Variants in MYO18A observed in about 807,000 individuals in gnomAD.
The protein encoded by MYO18A is unconventional myosin-XVIIIa.
Under a neutral mutation model 235.8 loss-of-function variants are expected in MYO18A, and 78 were observed. The ratio of observed to expected loss-of-function variants is 0.33; its 90% CI spans 0.28 to 0.40. The LOEUF (loss-of-function observed/expected upper bound fraction) is 0.40, where lower values mean the gene tolerates loss of function less well. MYO18A is among the 10% of genes least tolerant of loss of function. The pLI, the probability that MYO18A is intolerant of heterozygous loss-of-function variation, is 1.00. For synonymous variants in MYO18A, 977 were observed against 1,077.8 expected (o/e 0.91, Z 1.83); for missense variants, 2,215 against 2,699.3 (o/e 0.82, Z 3.98).
rs183642953 is a variant in MYO18A at position 29,171,697 on chromosome 17, C to G, written c.-81-4676G>C. On this transcript the variant is annotated intron_variant, in intron 1 of 41. Coordinates refer to ENST00000527372, the MANE Select transcript of MYO18A (RefSeq NM_078471.4). ...ATCGCTTGAGCTCAGGAGTCGGAGA[C>G]AAGCCTGGGCAACATGGCAAAGCCC... Among the ~76,000 whole-genome samples, 416 of 152,028 alleles carry G rather than the reference C, an allele frequency of 2.7e-3. 3 individuals carry two copies. Among genetic ancestry groups the G allele is most frequent in the African/African-American group, 9.6e-3 (400 of 41,458 alleles).
chr17:29,096,257 A>C (rs1179968640), intron 28 of MYO18A, among the ~76,000 whole-genome samples: 1 of 152,166 alleles, frequency 6.6e-6, no homozygotes, highest in African/African-American at 2.4e-5. Flanking sequence ...GCTAATGAAG[A>C]CGTCCCATCC....
chr17:29,130,431 A>AAAAT (rs2067438932), intron 2 of MYO18A, among the ~76,000 whole-genome samples: 1 of 151,310 alleles, frequency 6.6e-6, no homozygotes, highest in Non-Finnish European at 1.5e-5. Context: ...TTTTTGCAAA[A>AAAAT]AAAATAAAAT....
At chr17:29,076,266 ATCTGGGAC>A (rs1013352424) in intron 41 of MYO18A, 25 of 151,156 alleles carry the variant, frequency 1.7e-4, no homozygotes, top group Non-Finnish European at 3.1e-4. Context: ...GTAAACTTGA[ATCTGGGAC>A]TCTTAGACCT....
At chr17:29,145,776 T>C (rs776611525) in intron 2 of MYO18A, among the ~76,000 whole-genome samples, 1 of 152,156 alleles carries the variant, frequency 6.6e-6, no homozygotes, top group Non-Finnish European at 1.5e-5. Context: ...ACCCCAATAA[T>C]TAAAATTCAA....
At chr17:29,099,820 G>A in intron 21 of MYO18A, 58 bp from the exon 22 acceptor site, 1 of 1,582,822 alleles carries the variant, frequency 6.3e-7, no homozygotes, top group Non-Finnish European at 8.6e-7. Context: ...CAGAGGAAAG[G>A]CAGAGAAGGT....
At chr17:29,119,033 G>C (rs997902197) in intron 8 of MYO18A, among the ~76,000 whole-genome samples, 2 of 152,166 alleles carry the variant, frequency 1.3e-5, no homozygotes, top group African/African-American at 4.8e-5. Context: ...TCCAGAACTG[G>C]CTTCATGGGT....
At chr17:29,099,292 G>A (rs966062046) in intron 22 of MYO18A, among the ~76,000 whole-genome samples, 1 of 152,224 alleles carries the variant, frequency 6.6e-6, no homozygotes, top group African/African-American at 2.4e-5. Context: ...TAATCTTGCT[G>A]AAACACAAGA....
rs527886478 is a variant in MYO18A, at chr17:29,096,929, T to A, written c.4231-14A>T. The stretch of plus-strand genomic sequence containing the variant: ...CAGGTCCCCGAGCTAGGGGCCAAGA[T>A]GGGGTGCATATACAGAGAGACCCAG... On this transcript the variant is annotated splice_polypyrimidine_tract_variant and intron_variant, in intron 27 of 41. Transcript: ENST00000527372. 2 of 1,550,628 alleles carry A rather than the reference T, an allele frequency of 1.3e-6. No homozygotes were observed. Among genetic ancestry groups the A allele is most frequent in the Non-Finnish European group, 1.7e-6 (2 of 1,149,040 alleles).
intron 20 of MYO18A, 138 bp from the exon 21 acceptor site, chr17:29,103,802 T>C (rs1006292732): frequency 6.9e-5 from 51 of 743,664 alleles, no homozygotes; most frequent in Admixed American, 1.4e-4. Context: ...TTCCTCAGTG[T>C]CAGGCACTGG....
At chr17:29,110,375 T>C (rs530788379) in intron 18 of MYO18A, 61 bp downstream of exon 18, 3 of 1,497,742 alleles carry the variant, frequency 2.0e-6, no homozygotes, top group Non-Finnish European at 2.7e-6. Context: ...TCCCCAGGCC[T>C]GCCTACCAGG....
At chr17:29,142,067 C>T (rs376779445) in intron 2 of MYO18A, among the ~76,000 whole-genome samples, 23 of 152,218 alleles carry the variant, frequency 1.5e-4, no homozygotes, top group Admixed American at 9.2e-4. Context: ...GCCTCAGCCT[C>T]CCGAGTAGCT....
At chr17:29,154,121 T>TGTGTGTGTGTGTGCGCAC (rs142430455) in intron 2 of MYO18A, among the ~76,000 whole-genome samples, 1 of 149,000 alleles carries the variant, frequency 6.7e-6, no homozygotes, top group African/African-American at 2.5e-5. Context: ...TGTGTGTGTG[T>TGTGTGTGTGTGTGCGCAC]GCGCGCGCGT....
At chr17:29,135,291 G>A (rs2067570773) in intron 2 of MYO18A, among the ~76,000 whole-genome samples, 1 of 152,016 alleles carries the variant, frequency 6.6e-6, no homozygotes, top group Admixed American at 6.6e-5. Flanking sequence ...TTTAGTAGAG[G>A]CAGGGTTTCA....
At chr17:29,098,073 G>C (rs764459478) in intron 25 of MYO18A, 32 bp downstream of exon 25, 8 of 1,609,168 alleles carry the variant, frequency 5.0e-6, no homozygotes, top group Non-Finnish European at 5.9e-6. Context: ...GCAGTCACCA[G>C]CCTGCTGTTC....
In MYO18A at chr17:29,170,258, CCT is replaced by C. The variant is rs1332120775; in HGVS notation, c.-81-3239_-81-3238del. 5.9e-5 allele frequency among the ~76,000 whole-genome samples: 9 copies of C among 152,318 alleles called. No homozygotes were observed. In the East Asian group the frequency reaches 1.7e-3, roughly 29 times the overall value. Reference sequence around the variant, plus strand: ...CTGTGCCAGCCCTTCCCTCACCACCCCTGTCCTGCCACCATAATCTTCACAGC... The same window carrying C: ...CTGTGCCAGCCCTTCCCTCACCACCCGTCCTGCCACCATAATCTTCACAGC... On this transcript the variant is annotated intron_variant, in intron 1 of 41. Transcript: ENST00000527372.
Position 29,090,610 on chromosome 17 carries a change from G to C in MYO18A, c.5310C>G (p.Ser1770=). ...GATCATTTATCTGAGCCAGGTCCCG[G>C]GAAGCCTGGGAAAGGAATGAGAGCA... is the stretch of plus-strand genomic sequence containing the variant. ...KKHKAAVAQA[S]RDLAQINDLQ... is the part of the protein sequence containing the mutation. Residue 1770 remains serine (S), a synonymous_variant, in exon 36 of 42, where the codon TCC becomes TCG. Transcript: ENST00000527372. 6.3e-7 allele frequency: 1 copy of C among 1,597,428 alleles called. No homozygotes were observed. Among genetic ancestry groups the C allele is most frequent in the Middle Eastern group, 1.7e-4 (1 of 6,042 alleles).
rs1055879115 is a variant in MYO18A at position 29,118,886 on chromosome 17, GA to G, written c.1830-447del. The stretch of plus-strand genomic sequence containing the variant: ...GGCAGAGGCAGCCAACGTGGGGCAG[GA>G]AGGGCTAGTCTGGAGGGCACTGGAA... On this transcript the variant is annotated intron_variant, in intron 8 of 41. Coordinates refer to ENST00000527372, the MANE Select transcript of MYO18A (RefSeq NM_078471.4). This position sits in a 1 kb window ranked among gnomAD's most constrained non-coding sequence, Gnocchi z 4.2. 1.3e-5 allele frequency among the ~76,000 whole-genome samples: 2 copies of G among 152,188 alleles called. No individual in the cohort carries two copies. The highest frequency in any genetic ancestry group is 1.3e-4 in the Admixed American group (2 of 15,286).
chr17:29,115,519 C>A, intron 12 of MYO18A, 78 bp from the exon 13 acceptor site: 1 of 1,532,592 alleles, frequency 6.5e-7, no homozygotes, highest in South Asian at 1.2e-5. Context: ...CTGCCCAGGG[C>A]CCAGTCAGCA....
intron 1 of MYO18A, among the ~76,000 whole-genome samples, chr17:29,178,485 T>G (rs994657358): frequency 6.7e-6 from 1 of 149,788 alleles, no homozygotes; most frequent in Non-Finnish European, 1.5e-5. Context: ...TTCCTGGAAT[T>G]GAGGCCACAA....
Sources: allele counts gnomAD v4.1 joint callset (sites outside exome capture counted in the v4.1 genomes callset), GRCh38; gene constraint gnomAD v4.1.1; non-coding constraint Gnocchi (gnomAD v3.1); transcripts MANE v1.5; gene names NCBI Gene and HGNC (gene_info 2026-07-23, HGNC 2026-07-21).